Variants in DCHS2 observed in about 807,000 individuals in gnomAD.
The protein encoded by DCHS2 is dachsous cadherin-related 2, also known as protocadherin-23.
DCHS2 carries 142 observed loss-of-function variants against 182.4 expected under a neutral mutation model. The ratio of observed to expected loss-of-function variants is 0.78; its 90% confidence interval spans 0.68 to 0.89. The LOEUF (loss-of-function observed/expected upper bound fraction) is 0.89. Among genes scored for constraint, DCHS2 ranks in the 40% least tolerant of loss-of-function variants. The probability of loss-of-function intolerance (pLI) is 0.00; values close to 1 mark genes in which losing one functional copy is unlikely to be tolerated. For synonymous variants in DCHS2, 1,740 were observed against 1,663.3 expected (o/e 1.05, Z -1.12); for missense variants, 4,319 against 4,198.6 (o/e 1.03, Z -0.79).
intron 1 of DCHS2, among the ~76,000 whole-genome samples, chr4:154,384,778 C>T (rs755195821): frequency 9.1e-4 from 138 of 152,102 alleles, no homozygotes; most frequent in Non-Finnish European, 1.7e-3. Context: ...CGACAGCCAC[C>T]AGAAGCTGGA....
In DCHS2 at chr4:154,317,771, C is replaced by T. The variant is rs573184310; in HGVS notation, c.5021-1784G>A. ...ATAAAAAACATATAATAGATGTTAT[C>T]TAGCAACATGGTGACAGCAAGACAA... On this transcript the variant is annotated intron_variant, in intron 9 of 19. Coordinates refer to ENST00000357232, the MANE Select transcript of DCHS2 (RefSeq NM_001358235.2). Among the ~76,000 whole-genome samples the T allele has an allele frequency of 2.6e-5, 4 of 152,214 alleles. No individual in the cohort carries two copies. The East Asian group carries it at 5.8e-4, about 22-fold the overall frequency.
At chr4:154,319,047 T>C (rs942128464) in intron 9 of DCHS2, among the ~76,000 whole-genome samples, 2 of 152,122 alleles carry the variant, frequency 1.3e-5, no homozygotes, top group African/African-American at 4.8e-5. Context: ...TCCACCCATA[T>C]ATGGTCAATT....
At chr4:154,426,014 G>T (rs1259980050) in intron 1 of DCHS2, among the ~76,000 whole-genome samples, 1 of 152,082 alleles carries the variant, frequency 6.6e-6, no homozygotes, top group Non-Finnish European at 1.5e-5. Context: ...GCCCTCCCCT[G>T]CCCTATTTTT....
chr4:154,236,789 G>A lies in DCHS2; in HGVS notation c.7863C>T (p.His2621=), dbSNP rs1286410187. ...YKQVGYLVLL[H]SLDREASASH... ...TAGCACTTGCTTCTCTGTCCAGACT[G>A]TGAAGCAACACAAGATAACCGACTT... Residue 2621 remains histidine, a synonymous_variant, in exon 20 of 20, where the codon CAC becomes CAT. Transcript: ENST00000357232. 2 of 1,613,890 alleles carry A rather than the reference G, an allele frequency of 1.2e-6. No homozygotes were observed. The highest frequency in any genetic ancestry group is 1.7e-6 in the Non-Finnish European group (2 of 1,179,974).
intron 2 of DCHS2, among the ~76,000 whole-genome samples, chr4:154,375,003 G>A (rs947824704): frequency 2.0e-5 from 3 of 152,068 alleles, no homozygotes; most frequent in African/African-American, 7.2e-5. Flanking sequence ...TCTTAAGTTA[G>A]AACAAAGCTA....
At chr4:154,316,933 C>A (rs1735880730) in intron 9 of DCHS2, among the ~76,000 whole-genome samples, 1 of 152,176 alleles carries the variant, frequency 6.6e-6, no homozygotes, top group Non-Finnish European at 1.5e-5. Flanking sequence ...TATATGATTC[C>A]AATTATCACA....
chr4:154,460,069 G>A (rs1734950316), intron 1 of DCHS2, among the ~76,000 whole-genome samples: 1 of 152,136 alleles, frequency 6.6e-6, no homozygotes. Flanking sequence ...CATTTCTACT[G>A]TTACAAATGA....
chr4:154,339,872 T>A (rs1728983914), intron 3 of DCHS2, among the ~76,000 whole-genome samples: 1 of 152,204 alleles, frequency 6.6e-6, no homozygotes. Flanking sequence ...ACATATACGA[T>A]GTGTATACAC....
intron 1 of DCHS2, among the ~76,000 whole-genome samples, chr4:154,380,743 G>A (rs990391894): frequency 5.9e-5 from 9 of 152,016 alleles, no homozygotes; most frequent in South Asian, 2.1e-4. Flanking sequence ...ACATAAGAAT[G>A]TTTTTCTTCC....
intron 15 of DCHS2, among the ~76,000 whole-genome samples, chr4:154,258,723 G>A (rs796763562): frequency 1.3e-5 from 2 of 152,196 alleles, no homozygotes; most frequent in African/African-American, 4.8e-5. Context: ...AACTGTTGCA[G>A]GTTTTGTCCA....
intron 1 of DCHS2, among the ~76,000 whole-genome samples, chr4:154,440,979 C>A (rs570226777): frequency 7.9e-5 from 12 of 152,308 alleles, no homozygotes; most frequent in Admixed American, 6.5e-4. Context: ...TATATCTCAC[C>A]AGTAAGTTGA....
rs1736047337 is a variant in DCHS2 at position 154,321,160 on chromosome 4, T to C, written c.4239A>G (p.Pro1413=). The C allele has an allele frequency of 3.1e-6, 5 of 1,590,592 alleles. No homozygotes were observed. The highest frequency in any genetic ancestry group is 4.3e-6 in the Non-Finnish European group (5 of 1,165,598). The change falls in exon 9 of 20, where the codon CCA becomes CCG. Residue 1413 remains proline (P), a synonymous_variant. Transcript: ENST00000357232. ...MSQNIRHLII[P]ENLKPTKIMS... is the part of the protein sequence containing the mutation. ...TTATTTTTGTGGGCTTCAAATTTTC[T>C]GGTATAATTAAATGTCTAATATTCT... is the stretch of plus-strand genomic sequence containing the variant.
chr4:154,425,271 G>A (rs542843687), intron 1 of DCHS2, among the ~76,000 whole-genome samples: 33 of 152,308 alleles, frequency 2.2e-4, no homozygotes, highest in African/African-American at 7.0e-4. Context: ...CCATGCCTGC[G>A]TTGTGCAAAC....
Position 154,298,053 on chromosome 4 carries a change from A to G in DCHS2, c.6261T>C (p.Asp2087=), listed in dbSNP as rs1382308536. Reference sequence around the variant, plus strand: ...GAAATTGAATTTCTCCTGTGTATTTATCAATAGAAAACATTGACTGGGTCT... The same window carrying G: ...GAAATTGAATTTCTCCTGTGTATTTGTCAATAGAAAACATTGACTGGGTCT... ...FAETQSMFSI[D]KYTGEIQFQQ... is the part of the protein sequence containing the mutation. The change falls in exon 13 of 20, where the codon GAT becomes GAC. Residue 2087 remains aspartate, a synonymous_variant. Transcript: ENST00000357232. The G allele has an allele frequency of 3.1e-6, 5 of 1,614,002 alleles. No individual in the cohort carries two copies. The African/African-American group carries it at 4.0e-5, about 13-fold the overall frequency.
At chr4:154,379,279 C>G (rs6852953) in intron 1 of DCHS2, among the ~76,000 whole-genome samples, 4,058 of 152,286 alleles carry the variant, frequency 0.027, 167 homozygotes, top group South Asian at 0.14. Context: ...AAGAGGCATT[C>G]TGGCTTTTAA....
intron 3 of DCHS2, among the ~76,000 whole-genome samples, chr4:154,352,853 C>T (rs1346733971): frequency 6.6e-6 from 1 of 152,072 alleles, no homozygotes; most frequent in Non-Finnish European, 1.5e-5. Flanking sequence ...CCTTGTGGAG[C>T]TCATGGAGGG....
intron 1 of DCHS2, among the ~76,000 whole-genome samples, chr4:154,423,705 T>C (rs1280876595): frequency 2.0e-5 from 3 of 152,238 alleles, no homozygotes; most frequent in South Asian, 4.1e-4. Context: ...AATCTAGGAA[T>C]ATACCCTCAA....
chr4:154,388,808 T>G (rs1281604393), intron 1 of DCHS2, among the ~76,000 whole-genome samples: 1 of 152,164 alleles, frequency 6.6e-6, no homozygotes, highest in Non-Finnish European at 1.5e-5. Flanking sequence ...ACATGTAATT[T>G]TATGGAAACA....
At position 154,322,400 on chromosome 4, in the gene DCHS2, G is replaced by A; in HGVS notation, c.4107C>T (p.Tyr1369=). ...TILSYDYRPS[Y]RMSVIATDQG... Reference sequence around the variant, plus strand: ...GGTCAGTGGCAATGACACTCATTCTGTAGGAAGGTCTATAATCATACGAAA... The same window carrying A: ...GGTCAGTGGCAATGACACTCATTCTATAGGAAGGTCTATAATCATACGAAA... Residue 1369 remains tyrosine, a synonymous_variant, in exon 8 of 20, where the codon TAC becomes TAT. Transcript: ENST00000357232. 6.2e-7 allele frequency: 1 copy of A among 1,613,786 alleles called. No individual in the cohort carries two copies. The highest frequency in any genetic ancestry group is 8.5e-7 in the Non-Finnish European group (1 of 1,179,844).
Sources: gnomAD v4.1 joint callset for allele counts (sites outside exome capture counted in the v4.1 genomes callset) on GRCh38, gnomAD v4.1.1 for gene constraint, MANE v1.5 for transcripts, NCBI Gene and HGNC (gene_info 2026-07-23, HGNC 2026-07-21) for gene names.